Variants in CCZ1 observed in about 807,000 individuals in gnomAD.
CCZ1 encodes the protein vacuolar fusion protein CCZ1 homolog.
A neutral mutation model predicts 57.8 loss-of-function variants in CCZ1; 19 were observed. The ratio of observed to expected loss-of-function variants is 0.33; its 90% CI spans 0.23 to 0.48. The LOEUF (loss-of-function observed/expected upper bound fraction) is 0.48. Ranked by LOEUF, CCZ1 falls within the 20% of genes least tolerant of loss-of-function variation. The pLI, the probability that CCZ1 is intolerant of heterozygous loss-of-function variation, is 0.99. For synonymous variants in CCZ1, 81 were observed against 167.0 expected (o/e 0.49, Z 3.97); for missense variants, 200 against 492.0 (o/e 0.41, Z 5.61).
intron 1 of CCZ1, among the ~76,000 whole-genome samples, chr7:5,899,801 G>T (rs542781026): frequency 6.6e-6 from 1 of 151,842 alleles, no homozygotes; most frequent in Non-Finnish European, 1.5e-5. Context: ...AGTTCAAATG[G>T]CTGGGAACTG....
intron 7 of CCZ1, among the ~76,000 whole-genome samples, chr7:5,906,727 C>T (rs1034628236): frequency 6.7e-6 from 1 of 150,010 alleles, no homozygotes; most frequent in Non-Finnish European, 1.5e-5. Flanking sequence ...ACCTTCCCTG[C>T]CAAAATCTTG....
At chr7:5,900,106 C>A (rs1275627682) in intron 1 of CCZ1, among the ~76,000 whole-genome samples, 178 bp from the exon 2 acceptor site, 1 of 151,244 alleles carries the variant, frequency 6.6e-6, no homozygotes, top group Non-Finnish European at 1.5e-5. Flanking sequence ...TCAAGTGATC[C>A]TCCCGCCTCA....
rs1232015317 is a variant in CCZ1 at position 5,908,414 on chromosome 7, G to C, written c.699-1621G>C. Among the ~76,000 whole-genome samples, 18 of 146,676 alleles carry C rather than the reference G, an allele frequency of 1.2e-4. 2 individuals carry two copies. Among genetic ancestry groups the C allele is most frequent in the Non-Finnish European group, 3.0e-5 (2 of 67,284 alleles). The stretch of plus-strand genomic sequence containing the variant: ...TTTTGAGACTGAGTCTCATTGGCTT[G>C]GTTGCCCAGGCTAGAGTGCAGTGAT... On this transcript the variant is annotated intron_variant, in intron 7 of 14. Transcript: ENST00000325974.
At chr7:5,910,188 G>A (rs1345816762) in intron 8 of CCZ1, 72 bp downstream of exon 8, 22 of 1,270,460 alleles carry the variant, frequency 1.7e-5, no homozygotes, top group Non-Finnish European at 2.5e-5. Flanking sequence ...TGAGATGGTG[G>A]TGCATGGGGG....
At chr7:5,922,811 A>G (rs1310589822) in intron 12 of CCZ1, among the ~76,000 whole-genome samples, 1 of 146,696 alleles carries the variant, frequency 6.8e-6, no homozygotes, top group Non-Finnish European at 1.5e-5. Context: ...CGGGACACTC[A>G]TTCCCCGCAC....
intron 9 of CCZ1, 118 bp from the exon 10 acceptor site, chr7:5,912,725 A>C (rs1226475235): frequency 1.6e-6 from 2 of 1,219,238 alleles, no homozygotes; most frequent in Admixed American, 3.5e-5. Flanking sequence ...GGTGTTTGCC[A>C]AATAGCACCT....
At chr7:5,904,145 T>A (rs1192749539) in intron 6 of CCZ1, among the ~76,000 whole-genome samples, 3 of 117,858 alleles carry the variant, frequency 2.5e-5, no homozygotes, top group African/African-American at 1.1e-4. Context: ...CAGGCTAGAG[T>A]GCAATGGTGT....
In CCZ1 at chr7:5,898,862, G is replaced by T. The variant is rs1781610226; in HGVS notation, c.63G>T (p.Pro21=). ...GGGCGGCCCAGGAGAAGCAGTTCCC[G>T]CCGGCGCTGCTGAGTTTCTTCATCT... ...GPWAAQEKQF[P]PALLSFFIYN... Residue 21 remains proline (P), a synonymous_variant, in exon 1 of 15, where the codon CCG becomes CCT. Coordinates refer to ENST00000325974, the MANE Select transcript of CCZ1 (RefSeq NM_015622.6). 1 of 488,022 alleles carries T rather than the reference G, an allele frequency of 2.0e-6. No homozygotes were observed. The highest frequency in any genetic ancestry group is 3.9e-5 in the East Asian group (1 of 25,972). 30.2% of individuals were successfully genotyped at this position (488,022 alleles called of 1,614,324 possible).
intron 11 of CCZ1, 118 bp from the exon 12 acceptor site, chr7:5,919,731 G>C: frequency 7.9e-7 from 1 of 1,273,750 alleles, no homozygotes; most frequent in Non-Finnish European, 1.1e-6. Context: ...GGAGCAGAAG[G>C]GGGCCTGAGC....
intron 7 of CCZ1, 56 bp downstream of exon 7, chr7:5,905,325 C>T: frequency 1.5e-5 from 15 of 1,021,518 alleles, no homozygotes; most frequent in Non-Finnish European, 1.9e-5. Context: ...ATAAAAACAG[C>T]AGTGACTGGA....
In CCZ1 at chr7:5,914,536, G is replaced by A. The variant is rs144283375; in HGVS notation, c.954+1582G>A. ...GTTCTGAGAGAAAATGAATTTGAGC[G>A]TAGAGTTCTTTGCCATGCCAAGCTG... On this transcript the variant is annotated intron_variant, in intron 10 of 14. Coordinates refer to ENST00000325974, the MANE Select transcript of CCZ1 (RefSeq NM_015622.6). Among the ~76,000 whole-genome samples the A allele has an allele frequency of 2.1e-3, 300 of 144,550 alleles. 13 individuals carry two copies. Among genetic ancestry groups the A allele is most frequent in the East Asian group, 0.014 (62 of 4,434 alleles). The allele number at this position is 144,550 out of a possible 152,430, so 94.8% of individuals were successfully genotyped here. A position where few individuals can be genotyped will look rare whatever the true frequency, so the allele number is the denominator to read the frequency against.
chr7:5,902,666 T>G lies in CCZ1; in HGVS notation c.444T>G (p.Phe148Leu). ...GCAATCTTTTACCTCACTAGCTTTTTAATGGTACATTTCTGAAAGCCATGG... is the reference window on the plus strand; with the variant it reads ...GCAATCTTTTACCTCACTAGCTTTTGAATGGTACATTTCTGAAAGCCATGG... ...LRQCYSMYKL[F>L]NGTFLKAMED... Residue 148 changes from phenylalanine to leucine, a missense_variant, in exon 6 of 15, where the codon TTT becomes TTG. Phe to Leu is a conservative substitution (Grantham distance 22, BLOSUM62 0). This residue lies in a region of CCZ1 where 128 missense variants were observed against 178.4 expected (regional missense o/e 0.72). Coordinates refer to ENST00000325974, the MANE Select transcript of CCZ1 (RefSeq NM_015622.6). 6.3e-7 allele frequency: 1 copy of G among 1,587,038 alleles called. No homozygotes were observed. Among genetic ancestry groups the G allele is most frequent in the Non-Finnish European group, 8.5e-7 (1 of 1,174,614 alleles).
chr7:5,900,152 T>A, intron 1 of CCZ1, 132 bp from the exon 2 acceptor site: 8 of 1,238,466 alleles, frequency 6.5e-6, no homozygotes, highest in Non-Finnish European at 8.7e-6. Flanking sequence ...TTCCTGTTTT[T>A]CTAAAACCGG....
chr7:5,912,741 C>G (rs1779064905), intron 9 of CCZ1, 102 bp from the exon 10 acceptor site: 1 of 1,238,158 alleles, frequency 8.1e-7, no homozygotes, highest in Non-Finnish European at 1.2e-6. Flanking sequence ...CACCTGGCAT[C>G]AAAAGCAACT....
rs769524748 is a variant in CCZ1 at position 5,901,682 on chromosome 7, G to C, written c.416G>C (p.Arg139Pro). 6.3e-7 allele frequency: 1 copy of C among 1,598,568 alleles called. No individual in the cohort carries two copies. The highest frequency in any genetic ancestry group is 1.7e-5 in the Admixed American group (1 of 59,356). Residue 139 changes from arginine to proline, a missense_variant, in exon 5 of 15, where the codon CGG (arginine) becomes CCG (proline). Physicochemically the swap from Arg to Pro is moderately radical, Grantham distance 103 (BLOSUM62 -2). Coordinates refer to ENST00000325974, the MANE Select transcript of CCZ1 (RefSeq NM_015622.6). ...LLDKVYSSVL[R>P]QCYSMYKLFN... Reference sequence around the variant, plus strand: ...GACAAGGTTTATAGCTCGGTGCTGCGGCAGTGCTACAGCATGTACAAGGTA... The same window carrying C: ...GACAAGGTTTATAGCTCGGTGCTGCCGCAGTGCTACAGCATGTACAAGGTA...
At chr7:5,922,644 G>A (rs1419028026) in intron 12 of CCZ1, among the ~76,000 whole-genome samples, 1 of 151,230 alleles carries the variant, frequency 6.6e-6, no homozygotes. Flanking sequence ...TGCCTAGTCA[G>A]TTTAAGAAAT....
chr7:5,913,109 C>T (rs62453613), intron 10 of CCZ1, among the ~76,000 whole-genome samples, 155 bp downstream of exon 10: 13,524 of 147,862 alleles, frequency 0.091, 798 homozygotes, highest in Non-Finnish European at 0.12. Flanking sequence ...GTTCTTCCAG[C>T]GTAATAAGTT....
intron 1 of CCZ1, among the ~76,000 whole-genome samples, chr7:5,899,279 A>C (rs930079041): frequency 3.8e-5 from 5 of 130,150 alleles, no homozygotes; most frequent in Non-Finnish European, 1.7e-5. Flanking sequence ...GCAAGCCTGG[A>C]GGTCCCTGTA....
In CCZ1 at chr7:5,912,039, C is replaced by T. The variant is rs538665025; in HGVS notation, c.842+117C>T. 5.3e-4 allele frequency: 838 copies of T among 1,582,532 alleles called. 7 individuals are homozygous for T. The East Asian group carries it at 0.012, about 22-fold the overall frequency. On this transcript the variant is annotated intron_variant, in intron 9 of 14. Transcript: ENST00000325974. ...CAAGATCTCCGCTCACTGCAACCTC[C>T]GCCTCCCCGGGCTCAAGTGACTGTC...
Sources: allele counts gnomAD v4.1 joint callset (sites outside exome capture counted in the v4.1 genomes callset), GRCh38; gene constraint gnomAD v4.1.1; regional missense constraint gnomAD v4.1.1; transcripts MANE v1.5; gene names NCBI Gene and HGNC (gene_info 2026-07-23, HGNC 2026-07-21).